CLDN14: variants seen among roughly 807,000 people sequenced by gnomAD.
CLDN14 encodes claudin-14.
CLDN14 carries 2 observed loss-of-function variants against 2.1 expected under a neutral mutation model. That is an observed-to-expected ratio of 0.96 (90% CI 0.39 to 3.01). The LOEUF is 3.01. Ranked by LOEUF, CLDN14 falls within the 30% of genes most tolerant of loss-of-function variation. The pLI is 0.09. For synonymous variants in CLDN14, 136 were observed against 154.4 expected, an observed-to-expected ratio of 0.88 and a Z score of 0.88; for missense variants, 298 against 328.0, an observed-to-expected ratio of 0.91 and a Z score of 0.71.
intron 1 of CLDN14, among the ~76,000 whole-genome samples, chr21:36,463,442 C>A (rs964753890): frequency 6.6e-6 from 1 of 152,128 alleles, no homozygotes; most frequent in African/African-American, 2.4e-5. Context: ...CGGGGCTCGG[C>A]GGCTCACGCC....
chr21:36,532,036 A>G (rs768753910), intron 1 of CLDN14: 1 of 152,190 alleles, frequency 6.6e-6, no homozygotes, highest in Non-Finnish European at 1.5e-5. Context: ...TCTCCAGATA[A>G]CTATGAAAAA....
upstream of CLDN14, among the ~76,000 whole-genome samples, chr21:36,484,690 G>C (rs145644416): frequency 6.6e-6 from 1 of 152,212 alleles, no homozygotes; most frequent in East Asian, 1.9e-4. Context: ...TGTCAGATTA[G>C]ATGAGGGCCA....
chr21:36,568,215 C>T (rs540334258), intron 1 of CLDN14, among the ~76,000 whole-genome samples: 3 of 152,244 alleles, frequency 2.0e-5, no homozygotes, highest in Non-Finnish European at 2.9e-5. Flanking sequence ...GTGGTGGAAA[C>T]GGAGCTGCTA....
intron 1 of CLDN14, among the ~76,000 whole-genome samples, chr21:36,478,205 T>C (rs2086799906): frequency 6.6e-6 from 1 of 152,246 alleles, no homozygotes; most frequent in Admixed American, 6.5e-5. Flanking sequence ...GTCTTCCTTT[T>C]TATAGATTTT....
intron 1 of CLDN14, among the ~76,000 whole-genome samples, chr21:36,511,524 G>A (rs1004099631): frequency 2.0e-5 from 3 of 152,108 alleles, no homozygotes; most frequent in African/African-American, 4.8e-5. Flanking sequence ...GCTGAGGAAC[G>A]TAAACTAATT....
intron 2 of CLDN14, chr21:36,486,582 G>A: frequency 6.4e-7 from 1 of 1,554,182 alleles, no homozygotes. Flanking sequence ...GGCCCAGGAG[G>A]CACTGCCACC....
intron 1 of CLDN14, among the ~76,000 whole-genome samples, chr21:36,573,338 T>C (rs1022562167): frequency 8.7e-5 from 13 of 149,048 alleles, no homozygotes; most frequent in Non-Finnish European, 8.9e-5. Context: ...AAAATTACAA[T>C]ACTAGGTATT....
chr21:36,523,737 G>A (rs1485710769), intron 1 of CLDN14, among the ~76,000 whole-genome samples: 4 of 112,056 alleles, frequency 3.6e-5, no homozygotes, highest in Non-Finnish European at 5.3e-5. Flanking sequence ...GACAGAGTGA[G>A]ACTCCATCTA....
At chr21:36,522,469 C>T (rs1046134605) in intron 1 of CLDN14, among the ~76,000 whole-genome samples, 2 of 152,204 alleles carry the variant, frequency 1.3e-5, no homozygotes, top group African/African-American at 2.4e-5. Flanking sequence ...GCAAAGCCTG[C>T]GTGCCCAGCA....
At chr21:36,572,900 G>A (rs906557981) in intron 1 of CLDN14, among the ~76,000 whole-genome samples, 1 of 152,158 alleles carries the variant, frequency 6.6e-6, no homozygotes, top group South Asian at 2.1e-4. Flanking sequence ...TTCCAATCTT[G>A]CGCTTCCCTG....
Position 36,498,762 on chromosome 21 carries a change from T to C in CLDN14, c.-82+11601A>G, listed in dbSNP as rs992424129. Among the ~76,000 whole-genome samples, 1 of 152,114 alleles carries C rather than the reference T, an allele frequency of 6.6e-6. No individual in the cohort carries two copies. The highest frequency in any genetic ancestry group is 2.4e-5 in the African/African-American group (1 of 41,434). ...TCCAATACAGACACGGGAAAACCAG[T>C]CTCAGTTCAGGTCTGGGCCCCACTG... On this transcript the variant is annotated intron_variant, in intron 2 of 2. Coordinates refer to the CLDN14 transcript ENST00000342108. This position sits in a 1 kb window ranked among gnomAD's most constrained non-coding sequence, Gnocchi z 4.9.
intron 2 of CLDN14, among the ~76,000 whole-genome samples, chr21:36,507,489 C>T (rs779747983): frequency 5.3e-5 from 8 of 152,216 alleles, no homozygotes; most frequent in Middle Eastern, 3.4e-3. Context: ...GTTGACCGGA[C>T]GTGGTGGCTC....
chr21:36,488,048 C>T (rs1321009043), intron 2 of CLDN14, among the ~76,000 whole-genome samples: 1 of 152,218 alleles, frequency 6.6e-6, no homozygotes, highest in East Asian at 1.9e-4. Context: ...AAGGTGGCAG[C>T]AGGCCAGGCG....
At chr21:36,539,510 G>GT (rs2087463907) in intron 1 of CLDN14, among the ~76,000 whole-genome samples, 1 of 148,844 alleles carries the variant, frequency 6.7e-6, no homozygotes, top group East Asian at 2.0e-4. Context: ...AGTGTGTGGA[G>GT]TGAGTGTATG....
intron 1 of CLDN14, among the ~76,000 whole-genome samples, chr21:36,576,013 A>G (rs2087739026): frequency 6.6e-6 from 1 of 152,204 alleles, no homozygotes; most frequent in South Asian, 2.1e-4. Flanking sequence ...CTTGAAGGCA[A>G]AGTCTGTGTA....
chr21:36,487,798 A>G (rs758227731), intron 2 of CLDN14: 1 of 152,212 alleles, frequency 6.6e-6, no homozygotes, highest in Non-Finnish European at 1.5e-5. Flanking sequence ...AGCAACAGGC[A>G]TTTCAATGTG....
intron 1 of CLDN14, among the ~76,000 whole-genome samples, chr21:36,567,422 T>C (rs2087680979): frequency 6.6e-6 from 1 of 152,228 alleles, no homozygotes. Context: ...TGCTGAAGAA[T>C]GCTGCCTTCC....
At chr21:36,520,718 A>G (rs151330756) in intron 1 of CLDN14, among the ~76,000 whole-genome samples, 189 of 152,322 alleles carry the variant, frequency 1.2e-3, no homozygotes, top group African/African-American at 4.1e-3. Context: ...GGGAGTTATG[A>G]CTTGAATAGA....
Position 36,461,728 on chromosome 21 carries a change from C to T in CLDN14, c.-33G>A, listed in dbSNP as rs1568839847. ...CTGCCTGCCTAGGCCAGCCGGGCAG[C>T]TCCCTGGGCCCTCGGGGTCACGCCG... On this transcript the variant is annotated 5_prime_UTR_variant, in exon 2 of 2. Coordinates refer to ENST00000399135, the MANE Select transcript of CLDN14 (RefSeq NM_001146079.2). 4 of 1,543,744 alleles carry T rather than the reference C, an allele frequency of 2.6e-6. No homozygotes were observed. Among genetic ancestry groups the T allele is most frequent in the Non-Finnish European group, 3.5e-6 (4 of 1,145,458 alleles).
Sources: gnomAD v4.1 joint callset for allele counts (sites outside exome capture counted in the v4.1 genomes callset) on GRCh38, gnomAD v4.1.1 for gene constraint, Gnocchi (gnomAD v3.1) non-coding constraint, MANE v1.5 for transcripts, NCBI Gene and HGNC (gene_info 2026-07-23, HGNC 2026-07-21) for gene names.